The following CBLN2 variants were observed in gnomAD, a reference collection of about 807,000 sequenced individuals.
The protein encoded by CBLN2 is cerebellin 2 precursor.
In CBLN2, 7 loss-of-function variants were observed where a neutral mutation model predicts 15.0. The ratio of observed to expected loss-of-function variants is 0.47; its 90% confidence interval spans 0.27 to 0.88. The LOEUF (loss-of-function observed/expected upper bound fraction) is 0.88. CBLN2 is among the 40% of genes least tolerant of loss of function. The pLI, the probability that CBLN2 is intolerant of heterozygous loss-of-function variation, is 0.14. For synonymous variants in CBLN2, 149 were observed against 135.2 expected, an observed-to-expected ratio of 1.10 and a Z score of -0.71; for missense variants, 242 against 304.5, an observed-to-expected ratio of 0.79 and a Z score of 1.53.
rs528685754 is a variant in CBLN2 at position 72,624,101 on chromosome 18, G to A, written c.15+14224C>T. On this transcript the variant is annotated intron_variant, in intron 1 of 2. Transcript: ENST00000581073. ...GAAAGTCTATGACATGCTCAGTATTGCTCACTGACTCACAGTGGACACATA... is the reference window on the plus strand; with the variant it reads ...GAAAGTCTATGACATGCTCAGTATTACTCACTGACTCACAGTGGACACATA... 2.3e-4 allele frequency among the ~76,000 whole-genome samples: 35 copies of A among 151,998 alleles called. No homozygotes were observed. In the South Asian group the frequency reaches 6.9e-3, roughly 30 times the overall value.
At position 72,542,100 on chromosome 18, in the gene CBLN2, C is replaced by T. The variant is rs750605013; in HGVS notation, c.61G>A (p.Ala21Thr). ...CCGCAGCCGCCCGGCTCGCGCAGCGCCCCCCGGCGCCCGGGCATCATCAGC... is the reference window on the plus strand; with the variant it reads ...CCGCAGCCGCCCGGCTCGCGCAGCGTCCCCCGGCGCCCGGGCATCATCAGC... ...LRLMMPGRRG[A>T]LREPGGCGSC... The change falls in exon 3 of 5, where the codon GCG becomes ACG. Residue 21 changes from alanine (A) to threonine (T), a missense_variant. By Grantham distance (58) the Ala-to-Thr change is moderately conservative (BLOSUM62 0). Around this residue, in one of 4 missense-constraint regions of CBLN2, gnomAD observed 96 missense variants for 83.8 expected, o/e 1.15. Transcript: ENST00000269503. 3.4e-6 allele frequency: 5 copies of T among 1,460,564 alleles called. No individual in the cohort carries two copies. Among genetic ancestry groups the T allele is most frequent in the South Asian group, 1.4e-5 (1 of 72,632 alleles). 90.5% of individuals were successfully genotyped at this position (1,460,564 alleles called of 1,614,324 possible).
chr18:72,584,371 G>A (rs2069427637), intron 1 of CBLN2, among the ~76,000 whole-genome samples: 1 of 151,616 alleles, frequency 6.6e-6, no homozygotes, highest in Admixed American at 6.6e-5. Context: ...GAGTGCAGTG[G>A]TGCAATCTCA....
intron 1 of CBLN2, among the ~76,000 whole-genome samples, chr18:72,576,954 G>A (rs1021628717): frequency 7.5e-5 from 11 of 147,040 alleles, no homozygotes; most frequent in Non-Finnish European, 1.5e-4. Context: ...TAAATGTGAT[G>A]TATATATAAA....
intron 1 of CBLN2, among the ~76,000 whole-genome samples, chr18:72,626,028 C>T (rs1330085187): frequency 1.3e-5 from 2 of 151,794 alleles, no homozygotes; most frequent in African/African-American, 4.8e-5. Context: ...CGTCACGCCC[C>T]AGCCTTGTGG....
Position 72,569,102 on chromosome 18 carries a change from C to A in CBLN2, c.16-30330G>T, listed in dbSNP as rs571694733. On this transcript the variant is annotated intron_variant, in intron 1 of 2. Transcript: ENST00000581073. ...TAGTTGTTAAATATTTACTCTGATA[C>A]CACCGGAGTCGTTACCACAGGAAAT... is the stretch of plus-strand genomic sequence containing the variant. Among the ~76,000 whole-genome samples, 12 of 152,228 alleles carry A rather than the reference C, an allele frequency of 7.9e-5. No individual in the cohort carries two copies. In the South Asian group the frequency reaches 2.1e-3, roughly 26 times the overall value.
intron 1 of CBLN2, among the ~76,000 whole-genome samples, chr18:72,603,716 C>T (rs771837090): frequency 3.3e-5 from 5 of 152,134 alleles, no homozygotes; most frequent in Admixed American, 1.3e-4. Context: ...AGGAGCTCAA[C>T]GTCTAATCCC....
intron 1 of CBLN2, among the ~76,000 whole-genome samples, chr18:72,600,693 T>C (rs1404715381): frequency 6.6e-6 from 1 of 152,118 alleles, no homozygotes; most frequent in African/African-American, 2.4e-5. Context: ...AAGAGTTAAA[T>C]TGACATGAGG....
rs959622568 is a variant in CBLN2, at chr18:72,543,721, G to T, written c.-211-191C>A. Among the ~76,000 whole-genome samples the T allele has an allele frequency of 3.3e-5, 5 of 151,704 alleles. No homozygotes were observed. The highest frequency in any genetic ancestry group is 1.3e-4 in the Admixed American group (2 of 15,218). On this transcript the variant is annotated intron_variant, in intron 1 of 4. Transcript: ENST00000269503. This position sits in a 1 kb window ranked among gnomAD's most constrained non-coding sequence, Gnocchi z 6.8. ...CCGCGCCCGGGACCGGGAACCCCGCGTCTCGCCCGGCTCAGCGCCCCGCGC... is the reference window on the plus strand; with the variant it reads ...CCGCGCCCGGGACCGGGAACCCCGCTTCTCGCCCGGCTCAGCGCCCCGCGC...
chr18:72,628,948 T>C (rs2069757981), intron 1 of CBLN2, among the ~76,000 whole-genome samples: 3 of 152,282 alleles, frequency 2.0e-5, no homozygotes. Flanking sequence ...GATGGATATC[T>C]GTACTTAGAA....
At chr18:72,607,895 A>G (rs2144950336) in intron 1 of CBLN2, among the ~76,000 whole-genome samples, 1 of 152,262 alleles carries the variant, frequency 6.6e-6, no homozygotes. Context: ...TTCTAGCCAC[A>G]TCCAGCAGTA....
intron 1 of CBLN2, among the ~76,000 whole-genome samples, chr18:72,563,535 G>A (rs1432865792): frequency 6.6e-6 from 1 of 152,062 alleles, no homozygotes. Context: ...CGTACAGCAA[G>A]GAAGTGGTAA....
intron 1 of CBLN2, among the ~76,000 whole-genome samples, chr18:72,575,212 G>C (rs776742126): frequency 1.3e-5 from 2 of 152,100 alleles, no homozygotes; most frequent in Non-Finnish European, 2.9e-5. Flanking sequence ...TGGAGGGTCT[G>C]GCATTGTTGC....
At chr18:72,633,092 G>T (rs979878320) in intron 1 of CBLN2, among the ~76,000 whole-genome samples, 4 of 151,968 alleles carry the variant, frequency 2.6e-5, no homozygotes, top group Admixed American at 1.3e-4. Flanking sequence ...TAAAAAGTCG[G>T]GTATGTACTA....
At chr18:72,577,428 G>A (rs1251333057) in intron 1 of CBLN2, among the ~76,000 whole-genome samples, 1 of 152,028 alleles carries the variant, frequency 6.6e-6, no homozygotes, top group Non-Finnish European at 1.5e-5. Context: ...CTAAATAAAG[G>A]GGAGCATCTG....
At chr18:72,615,037 ATAT>A (rs2069647542) in intron 1 of CBLN2, among the ~76,000 whole-genome samples, 1 of 137,700 alleles carries the variant, frequency 7.3e-6, no homozygotes, top group Non-Finnish European at 1.5e-5. Flanking sequence ...GATCAAGTAC[ATAT>A]ATATATATAT....
At chr18:72,594,653 G>A (rs753184595) in intron 1 of CBLN2, among the ~76,000 whole-genome samples, 3 of 151,962 alleles carry the variant, frequency 2.0e-5, no homozygotes, top group Admixed American at 6.5e-5. Flanking sequence ...GTGAAGCTGC[G>A]GAGTCCTGTG....
intron 1 of CBLN2, among the ~76,000 whole-genome samples, chr18:72,557,999 T>C (rs2069237278): frequency 6.6e-6 from 1 of 151,742 alleles, no homozygotes; most frequent in Admixed American, 6.6e-5. Context: ...CAGCACAGAG[T>C]GCTGGCAGAA....
intron 1 of CBLN2, among the ~76,000 whole-genome samples, chr18:72,597,898 G>T (rs1285399027): frequency 6.6e-6 from 1 of 152,170 alleles, no homozygotes; most frequent in Non-Finnish European, 1.5e-5. Context: ...TAGTCATCTT[G>T]CAATGCATGC....
At chr18:72,546,400 G>T (rs1016543882), upstream of CBLN2, among the ~76,000 whole-genome samples, 20 of 151,678 alleles carry the variant, frequency 1.3e-4, no homozygotes, top group Non-Finnish European at 2.5e-4. Context: ...TCGGGCCACT[G>T]CAGTCCTCCG....
Sources: gnomAD v4.1 joint callset for allele counts (sites outside exome capture counted in the v4.1 genomes callset) on GRCh38, gnomAD v4.1.1 for gene constraint, gnomAD v4.1.1 regional missense constraint, Gnocchi (gnomAD v3.1) non-coding constraint, MANE v1.5 for transcripts, NCBI Gene and HGNC (gene_info 2026-07-23, HGNC 2026-07-21) for gene names.